The following ZNF141 variants were observed in gnomAD, a reference collection of about 807,000 sequenced individuals.
ZNF141 encodes the protein zinc finger protein 141.
Under a neutral mutation model 11.3 loss-of-function variants are expected in ZNF141, and 7 were observed. The observed-to-expected ratio is 0.62, with a 90% CI of 0.35 to 1.16. The LOEUF is 1.16. Among genes scored for constraint, ZNF141 ranks in the 50% most tolerant of loss-of-function variants. The pLI is 0.02. For missense variants in ZNF141, 535 were observed against 554.0 expected (o/e 0.97, Z 0.34); for synonymous variants, 183 against 190.7 (o/e 0.96, Z 0.33).
chr4:351,036 A>G (rs1721572634), intron 3 of ZNF141, among the ~76,000 whole-genome samples: 1 of 151,650 alleles, frequency 6.6e-6, no homozygotes. Context: ...GGCGTGAGCC[A>G]CCGCGCCCGG....
intron 3 of ZNF141, among the ~76,000 whole-genome samples, chr4:351,236 C>CT (rs869153709): frequency 0.036 from 4,827 of 134,916 alleles, 174 homozygotes; most frequent in Middle Eastern, 0.099. Context: ...CCAGTTAAAC[C>CT]TTTTTTTTTT....
rs1712658334 is a variant in ZNF141, at chr4:382,222, A to G, written c.*8360A>G. ...CAGCCTACCAAAGTGCTGGGATTAC[A>G]GGCATGAGCCACCGCGCCCGGCCTT... On this transcript the variant is annotated 3_prime_UTR_variant, in exon 4 of 4. Coordinates refer to ENST00000240499, the MANE Select transcript of ZNF141 (RefSeq NM_003441.4). 6.6e-6 allele frequency among the ~76,000 whole-genome samples: 1 copy of G among 152,146 alleles called. No homozygotes were observed. Among genetic ancestry groups the G allele is most frequent in the South Asian group, 2.1e-4 (1 of 4,830 alleles).
chr4:344,257 T>A, intron 2 of ZNF141, 78 bp from the exon 3 acceptor site: 1 of 1,241,658 alleles, frequency 8.1e-7, no homozygotes, highest in South Asian at 1.3e-5. Flanking sequence ...ATCTCTATTC[T>A]GCTTAGCGTA....
At chr4:347,774 C>T (rs570727268) in intron 3 of ZNF141, among the ~76,000 whole-genome samples, 27 of 147,100 alleles carry the variant, frequency 1.8e-4, no homozygotes, top group Non-Finnish European at 2.8e-4. Context: ...TGCCTATTTT[C>T]GAATGGGTTA....
chr4:352,126 G>A (rs1004069365), intron 3 of ZNF141, among the ~76,000 whole-genome samples: 2 of 152,112 alleles, frequency 1.3e-5, no homozygotes, highest in African/African-American at 4.8e-5. Flanking sequence ...GGTGGCTCAC[G>A]CCTGTAATCC....
rs1712650037 is a variant in ZNF141, at chr4:382,076, G to A, written c.*8214G>A. Among the ~76,000 whole-genome samples the A allele has an allele frequency of 6.6e-6, 1 of 151,154 alleles. No homozygotes were observed. The highest frequency in any genetic ancestry group is 2.4e-5 in the African/African-American group (1 of 40,978). On this transcript the variant is annotated 3_prime_UTR_variant, in exon 4 of 4. Coordinates refer to ENST00000240499, the MANE Select transcript of ZNF141 (RefSeq NM_003441.4). ...TTCTCCTGCCTCAGCCTCCCAAGTA[G>A]CTGGGACTACAGGCACCTGCTACCA...
Position 372,783 on chromosome 4 carries a change from G to A in ZNF141, c.346G>A (p.Gly116Ser), listed in dbSNP as rs1416126773. ...CGHDNLQLRK[G>S]CKSLNECKLQ... ...ACATGATAATTTACAATTAAGAAAA[G>A]GCTGTAAAAGTTTGAATGAGTGTAA... The change falls in exon 4 of 4, where the codon GGC becomes AGC. Residue 116 changes from glycine (G) to serine (S), a missense_variant. Transcript: ENST00000240499. 6.2e-7 allele frequency: 1 copy of A among 1,613,166 alleles called. No homozygotes were observed. Among genetic ancestry groups the A allele is most frequent in the Non-Finnish European group, 8.5e-7 (1 of 1,179,344 alleles).
Position 382,281 on chromosome 4 carries a change from C to T in ZNF141, c.*8419C>T, listed in dbSNP as rs1192670779. Reference sequence around the variant, plus strand: ...GTGATTTCTATGTGTGCTCTAGGCACTTGCCCTATAGCTGCTCCTAAATGT... The same window carrying T: ...GTGATTTCTATGTGTGCTCTAGGCATTTGCCCTATAGCTGCTCCTAAATGT... On this transcript the variant is annotated 3_prime_UTR_variant, in exon 4 of 4. Transcript: ENST00000240499. Among the ~76,000 whole-genome samples the T allele has an allele frequency of 3.3e-5, 5 of 152,074 alleles. No homozygotes were observed. Among genetic ancestry groups the T allele is most frequent in the African/African-American group, 4.8e-5 (2 of 41,436 alleles).
rs1447878445 is a variant in ZNF141 at position 373,344 on chromosome 4, C to T, written c.907C>T (p.Arg303Ter). The change falls in exon 4 of 4, where the codon CGA (arginine) becomes TGA (stop). Residue 303 changes from arginine to a stop codon, truncating the protein, a stop_gained. Coordinates refer to ENST00000240499, the MANE Select transcript of ZNF141 (RefSeq NM_003441.4). LOFTEE classifies it low-confidence loss of function (END_TRUNC). ...ATCCTCAAACTTTGCCAAACATAAG[C>T]GAATTCATACTGGAGAGAAACCCTA... is the stretch of plus-strand genomic sequence containing the variant. ...TSSSNFAKHK[R>*]IHTGEKPYKC... is the part of the protein sequence containing the mutation. 6 of 1,574,412 alleles carry T rather than the reference C, an allele frequency of 3.8e-6. No individual in the cohort carries two copies. The highest frequency in any genetic ancestry group is 3.0e-5 in the African/African-American group (2 of 65,792).
intron 3 of ZNF141, among the ~76,000 whole-genome samples, chr4:362,019 C>T (rs1711519707): frequency 6.6e-6 from 1 of 152,204 alleles, no homozygotes; most frequent in Non-Finnish European, 1.5e-5. Flanking sequence ...TCCTATTTCT[C>T]CACATCCTCT....
At position 373,757 on chromosome 4, in the gene ZNF141, A is replaced by C. The variant is rs1392543839; in HGVS notation, c.1320A>C (p.Gln440His). 3 of 1,614,068 alleles carry C rather than the reference A, an allele frequency of 1.9e-6. No individual in the cohort carries two copies. Among genetic ancestry groups the C allele is most frequent in the Non-Finnish European group, 2.5e-6 (3 of 1,180,014 alleles). The stretch of plus-strand genomic sequence containing the variant: ...TTAAACAATTTTCGCTCCTGAGTCA[A>C]CATAAGAAAATTCATACTGTAGATA... Reference protein sequence around the residue: ...KAFKQFSLLSQHKKIHTVDKP... With the variant: ...KAFKQFSLLSHHKKIHTVDKP... Residue 440 changes from glutamine (Q) to histidine (H), a missense_variant, in exon 4 of 4, where the codon CAA becomes CAC. Physicochemically the swap from Gln to His is conservative, Grantham distance 24. Transcript: ENST00000240499.
At chr4:356,660 T>G (rs1721855695) in intron 3 of ZNF141, among the ~76,000 whole-genome samples, 1 of 152,124 alleles carries the variant, frequency 6.6e-6, no homozygotes, top group Non-Finnish European at 1.5e-5. Flanking sequence ...TTAACACGAA[T>G]TTTGAGGGGA....
intron 3 of ZNF141, among the ~76,000 whole-genome samples, chr4:352,794 C>T (rs1223402104): frequency 2.6e-5 from 4 of 152,170 alleles, no homozygotes; most frequent in African/African-American, 9.6e-5. Context: ...ACCTGGAAAA[C>T]ATATAAATCG....
chr4:339,391 C>A (rs1313158337), intron 1 of ZNF141, among the ~76,000 whole-genome samples: 1 of 152,352 alleles, frequency 6.6e-6, no homozygotes. Context: ...GCCTTGCCCC[C>A]ACTCAAGGCT....
intron 1 of ZNF141, 44 bp downstream of exon 1, chr4:338,030 T>A: frequency 1.2e-6 from 2 of 1,611,842 alleles, no homozygotes. Context: ...GGAGGTCTCA[T>A]CGGAGCTGGC....
At chr4:345,729 CAAAA>C (rs1321182710) in intron 3 of ZNF141, among the ~76,000 whole-genome samples, 1 of 64,610 alleles carries the variant, frequency 1.5e-5, no homozygotes, top group Non-Finnish European at 3.3e-5. Flanking sequence ...ACTCTGTCTC[CAAAA>C]AAAAAAAAAA....
In ZNF141 at chr4:378,793, T is replaced by G. The variant is rs1409657005; in HGVS notation, c.*4931T>G. ...TGGTCACCTTCTCTGGAAAAAAATT[T>G]GAAGATTATGGCAGCTGTTGAATCC... On this transcript the variant is annotated 3_prime_UTR_variant, in exon 4 of 4. Transcript: ENST00000240499. Among the ~76,000 whole-genome samples the G allele has an allele frequency of 6.6e-6, 1 of 151,462 alleles. No homozygotes were observed. Among genetic ancestry groups the G allele is most frequent in the Non-Finnish European group, 1.5e-5 (1 of 67,924 alleles).
chr4:384,283 C>G lies in ZNF141; in HGVS notation c.*10421C>G, dbSNP rs1296530099. ...ATCTGAAGACATGGTGCTCTCTCTT[C>G]CTGTGGACCCATCATTCCTTGTTTA... On this transcript the variant is annotated 3_prime_UTR_variant, in exon 4 of 4. Transcript: ENST00000240499. 6.6e-6 allele frequency: 1 copy of G among 152,210 alleles called. No individual in the cohort carries two copies. Among genetic ancestry groups the G allele is most frequent in the East Asian group, 1.9e-4 (1 of 5,192 alleles). 9.4% of individuals were successfully genotyped at this position (152,210 alleles called of 1,614,324 possible).
chr4:363,244 G>A (rs1711572710), intron 3 of ZNF141, among the ~76,000 whole-genome samples: 1 of 152,208 alleles, frequency 6.6e-6, no homozygotes, highest in African/African-American at 2.4e-5. Flanking sequence ...AGACTTTGCT[G>A]AAGTTGCTTA....
Sources: allele counts gnomAD v4.1 joint callset (sites outside exome capture counted in the v4.1 genomes callset), GRCh38; gene constraint gnomAD v4.1.1; transcripts MANE v1.5; gene names NCBI Gene and HGNC (gene_info 2026-07-23, HGNC 2026-07-21).